PTPRD: variants seen among roughly 807,000 people sequenced by gnomAD.
The protein encoded by PTPRD is receptor-type tyrosine-protein phosphatase delta.
In PTPRD, 34 loss-of-function variants were observed where a neutral mutation model predicts 214.5. The ratio of observed to expected loss-of-function variants is 0.16; its 90% CI spans 0.12 to 0.21. The LOEUF (loss-of-function observed/expected upper bound fraction) is 0.21. Among genes scored for constraint, PTPRD ranks in the 10% least tolerant of loss-of-function variants. PTPRD has a pLI of 1.00. For missense variants in PTPRD, 2,545 were observed against 2,398.7 expected, an observed-to-expected ratio of 1.06 and a Z score of -1.27; for synonymous variants, 1,128 against 845.7, an observed-to-expected ratio of 1.33 and a Z score of -5.79.
intron 14 of PTPRD, among the ~76,000 whole-genome samples, chr9:8,599,048 A>T (rs553263762): frequency 1.9e-4 from 29 of 152,202 alleles, no homozygotes; most frequent in African/African-American, 6.5e-4. Context: ...CCGGTGGGAG[A>T]TAACTGAATC....
At chr9:10,349,645 AG>A (rs1340974540) in intron 2 of PTPRD, among the ~76,000 whole-genome samples, 1 of 152,206 alleles carries the variant, frequency 6.6e-6, no homozygotes, top group Non-Finnish European at 1.5e-5. Context: ...AAGTATAAAA[AG>A]GTCATTTTCA....
chr9:9,275,174 A>G (rs1289845475), intron 9 of PTPRD, among the ~76,000 whole-genome samples: 5 of 28,966 alleles, frequency 1.7e-4, no homozygotes, highest in African/African-American at 8.3e-4. Flanking sequence ...ACATATATAT[A>G]ATATATATGT....
At chr9:9,244,204 A>C (rs886645586) in intron 9 of PTPRD, among the ~76,000 whole-genome samples, 5 of 152,126 alleles carry the variant, frequency 3.3e-5, no homozygotes, top group African/African-American at 1.2e-4. Context: ...GAAAATGGCC[A>C]TACTGCCCAA....
Position 10,108,498 on chromosome 9 carries a change from C to T in PTPRD, c.-544-74708G>A, listed in dbSNP as rs144637343. Among the ~76,000 whole-genome samples, 542 of 151,910 alleles carry T rather than the reference C, an allele frequency of 3.6e-3. 5 individuals are homozygous for T. The highest frequency in any genetic ancestry group is 8.6e-3 in the African/African-American group (357 of 41,442). On this transcript the variant is annotated intron_variant, in intron 3 of 45. Transcript: ENST00000381196. The stretch of plus-strand genomic sequence containing the variant: ...CCCACCCCATCCCAGCTTCTGGTAC[C>T]CAAGATCCTACTCTCTGCTTCTATA...
chr9:8,640,594 C>G (rs1406125456), intron 12 of PTPRD, among the ~76,000 whole-genome samples: 1 of 146,002 alleles, frequency 6.8e-6, no homozygotes, highest in East Asian at 2.0e-4. Flanking sequence ...CCTAAAAGGG[C>G]TCTTAAATTT....
intron 2 of PTPRD, among the ~76,000 whole-genome samples, chr9:10,426,680 C>A (rs2098622111): frequency 6.6e-6 from 1 of 152,082 alleles, no homozygotes; most frequent in Admixed American, 6.6e-5. Context: ...TAAGGGCCAA[C>A]TTCTCGGATG....
chr9:9,114,631 C>T (rs1291474370), intron 10 of PTPRD, among the ~76,000 whole-genome samples: 1 of 152,096 alleles, frequency 6.6e-6, no homozygotes, highest in East Asian at 1.9e-4. Context: ...ATAAAAGATG[C>T]TTGGACTGCC....
chr9:8,456,614 T>C (rs979911195), intron 33 of PTPRD, among the ~76,000 whole-genome samples: 3 of 152,042 alleles, frequency 2.0e-5, no homozygotes, highest in South Asian at 2.1e-4. Flanking sequence ...CTTGGAACTG[T>C]ATGGAGGGTT....
At chr9:9,406,740 C>T (rs2073557548) in intron 8 of PTPRD, among the ~76,000 whole-genome samples, 1 of 151,378 alleles carries the variant, frequency 6.6e-6, no homozygotes, top group African/African-American at 2.4e-5. Flanking sequence ...AGGAAAGAGT[C>T]TGTGGGGAAG....
intron 2 of PTPRD, among the ~76,000 whole-genome samples, chr9:10,529,594 G>C (rs1480066671): frequency 6.6e-6 from 1 of 151,662 alleles, no homozygotes; most frequent in Non-Finnish European, 1.5e-5. Flanking sequence ...GGGAAGGATA[G>C]CATTAGGAGA....
At chr9:8,475,128 T>C (rs2096737451) in intron 30 of PTPRD, among the ~76,000 whole-genome samples, 1 of 152,100 alleles carries the variant, frequency 6.6e-6, no homozygotes, top group African/African-American at 2.4e-5. Context: ...ACTGCCTCCC[T>C]TTCCCTTCAC....
At chr9:9,200,090 A>G (rs2099940985) in intron 9 of PTPRD, among the ~76,000 whole-genome samples, 1 of 152,310 alleles carries the variant, frequency 6.6e-6, no homozygotes, top group African/African-American at 2.4e-5. Context: ...GTTGACTCCC[A>G]CTGTCTGTTA....
chr9:10,115,742 T>C (rs2098725780), intron 3 of PTPRD, among the ~76,000 whole-genome samples: 1 of 152,138 alleles, frequency 6.6e-6, no homozygotes, highest in South Asian at 2.1e-4. Context: ...TCTTGGATTA[T>C]AACTGGAATA....
chr9:8,728,121 A>G (rs550552196), intron 12 of PTPRD, among the ~76,000 whole-genome samples: 1 of 152,198 alleles, frequency 6.6e-6, no homozygotes, highest in Admixed American at 6.5e-5. Context: ...GTGGTGGCAC[A>G]CGCCTGTAAT....
chr9:10,247,480 T>C (rs1173471546), intron 3 of PTPRD, among the ~76,000 whole-genome samples: 1 of 152,224 alleles, frequency 6.6e-6, no homozygotes, highest in Non-Finnish European at 1.5e-5. Flanking sequence ...GGGGTTTTTA[T>C]TTTCATAATT....
At chr9:9,443,851 T>C (rs1198262260) in intron 8 of PTPRD, among the ~76,000 whole-genome samples, 2 of 152,196 alleles carry the variant, frequency 1.3e-5, no homozygotes, top group African/African-American at 4.8e-5. Context: ...AAGTTTACAG[T>C]GTATTGTTAC....
intron 8 of PTPRD, among the ~76,000 whole-genome samples, chr9:9,515,095 T>G (rs1412524455): frequency 1.3e-5 from 2 of 152,148 alleles, no homozygotes; most frequent in Admixed American, 1.3e-4. Flanking sequence ...TTCAGGGAGC[T>G]AAAATCCTTG....
At chr9:8,816,295 T>A (rs1397576764) in intron 11 of PTPRD, among the ~76,000 whole-genome samples, 3 of 152,192 alleles carry the variant, frequency 2.0e-5, no homozygotes, top group Admixed American at 2.0e-4. Flanking sequence ...TTTTAAGATA[T>A]AAAGGTCTGC....
intron 9 of PTPRD, among the ~76,000 whole-genome samples, chr9:9,209,229 G>A (rs1221502614): frequency 6.6e-6 from 1 of 152,158 alleles, no homozygotes; most frequent in Non-Finnish European, 1.5e-5. Flanking sequence ...GGAGAAGATA[G>A]AAATATATAT....
Sources: allele counts gnomAD v4.1 joint callset (sites outside exome capture counted in the v4.1 genomes callset), GRCh38; gene constraint gnomAD v4.1.1; transcripts MANE v1.5; gene names NCBI Gene and HGNC (gene_info 2026-07-23, HGNC 2026-07-21).